The following ZFAT variants were observed in gnomAD, a reference collection of about 807,000 sequenced individuals.
The protein encoded by ZFAT is zinc finger protein ZFAT.
A neutral mutation model predicts 117.7 loss-of-function variants in ZFAT; 64 were observed. The observed-to-expected ratio is 0.54, with a 90% CI of 0.44 to 0.67. ZFAT has a LOEUF of 0.67. Ranked by LOEUF, ZFAT falls within the 30% of genes least tolerant of loss-of-function variation. The pLI, the probability that ZFAT is intolerant of heterozygous loss-of-function variation, is 0.00. For synonymous variants in ZFAT, 679 were observed against 615.0 expected (o/e 1.10, Z -1.54); for missense variants, 1,433 against 1,584.5 (o/e 0.90, Z 1.62).
At chr8:134,545,354 A>T (rs144816652) in intron 11 of ZFAT, among the ~76,000 whole-genome samples, 6 of 152,008 alleles carry the variant, frequency 3.9e-5, no homozygotes, top group African/African-American at 1.4e-4. Flanking sequence ...TCTACCAAAA[A>T]ATTTTTTTTA....
At chr8:134,514,058 T>G (rs1037271900) in intron 13 of ZFAT, among the ~76,000 whole-genome samples, 4 of 152,196 alleles carry the variant, frequency 2.6e-5, no homozygotes, top group Non-Finnish European at 5.9e-5. Flanking sequence ...TCATAGTTGC[T>G]GTCAGGAAGG....
At chr8:134,685,558 G>A (rs1176259062) in intron 1 of ZFAT, among the ~76,000 whole-genome samples, 2 of 152,190 alleles carry the variant, frequency 1.3e-5, no homozygotes, top group East Asian at 3.8e-4. Context: ...CAGTATGCCA[G>A]ATATAAGTGA....
the ZFAT span, among the ~76,000 whole-genome samples, chr8:134,728,607 G>C: frequency 1.3e-5 from 2 of 152,128 alleles, no homozygotes; most frequent in East Asian, 1.9e-4. Flanking sequence ...ACCAGGACAG[G>C]TGTGCCTGCA....
intron 3 of ZFAT, among the ~76,000 whole-genome samples, chr8:134,620,781 C>T (rs534947759): frequency 6.6e-6 from 1 of 152,220 alleles, no homozygotes; most frequent in South Asian, 2.1e-4. Context: ...CGGTTGAGTC[C>T]CTGGGCCTAG....
intron 15 of ZFAT, among the ~76,000 whole-genome samples, chr8:134,481,299 A>G (rs192888942): frequency 6.6e-6 from 1 of 152,156 alleles, no homozygotes; most frequent in South Asian, 2.1e-4. Context: ...GGGTGAGGGG[A>G]TGGGGATGGT....
chr8:134,678,489 T>C (rs1426001542), intron 1 of ZFAT, among the ~76,000 whole-genome samples: 1 of 152,186 alleles, frequency 6.6e-6, no homozygotes, highest in African/African-American at 2.4e-5. Context: ...AGAATCAATA[T>C]TGTGAAAATG....
chr8:134,776,112 A>G, the ZFAT span, among the ~76,000 whole-genome samples: 1 of 152,226 alleles, frequency 6.6e-6, no homozygotes, highest in Admixed American at 6.5e-5. Context: ...AAATAGAAAC[A>G]GAAGATCCTC....
chr8:134,685,939 G>T (rs1219243976), intron 1 of ZFAT, among the ~76,000 whole-genome samples: 3 of 152,214 alleles, frequency 2.0e-5, no homozygotes, highest in South Asian at 2.1e-4. Flanking sequence ...AGTTAAGTGG[G>T]CCAGGTAGGG....
the ZFAT span, among the ~76,000 whole-genome samples, chr8:134,809,450 A>C: frequency 5.3e-5 from 8 of 152,226 alleles, no homozygotes; most frequent in Non-Finnish European, 1.2e-4. Context: ...ATAGTATTTT[A>C]AGAAATTGTT....
chr8:134,687,418 C>T (rs536898260), intron 1 of ZFAT, among the ~76,000 whole-genome samples: 3 of 152,342 alleles, frequency 2.0e-5, no homozygotes, highest in African/African-American at 4.8e-5. Context: ...CATGTTGAAA[C>T]TTGGCATAAA....
At chr8:134,523,684 C>T (rs969960260) in intron 12 of ZFAT, among the ~76,000 whole-genome samples, 11 of 152,198 alleles carry the variant, frequency 7.2e-5, no homozygotes, top group Non-Finnish European at 1.3e-4. Flanking sequence ...CCCTCCCTCT[C>T]GCCTTCATTC....
intron 11 of ZFAT, among the ~76,000 whole-genome samples, chr8:134,554,426 C>A (rs1234709969): frequency 1.3e-5 from 2 of 152,196 alleles, no homozygotes; most frequent in Non-Finnish European, 2.9e-5. Context: ...ATGCTAGAGA[C>A]CAAGGTATCC....
chr8:134,644,832 C>T (rs1253447720), intron 2 of ZFAT, among the ~76,000 whole-genome samples: 1 of 152,126 alleles, frequency 6.6e-6, no homozygotes, highest in African/African-American at 2.4e-5. Context: ...CAGTATCACA[C>T]ACGTGCACAC....
chr8:134,636,536 A>T (rs968995984), intron 3 of ZFAT, among the ~76,000 whole-genome samples: 7 of 152,232 alleles, frequency 4.6e-5, no homozygotes, highest in African/African-American at 1.7e-4. Context: ...TAAGTTAATA[A>T]GTGCTGAAGC....
chr8:134,602,204 C>T lies in ZFAT; in HGVS notation c.1515G>A (p.Gly505=). 1.2e-6 allele frequency: 2 copies of T among 1,613,570 alleles called. No individual in the cohort carries two copies. The highest frequency in any genetic ancestry group is 1.7e-6 in the Non-Finnish European group (2 of 1,180,016). ...NQSFCLLEPG[G]DIQQEALGDQ... ...CCCCCAGAGCTTCTTGCTGGATGTC[C>T]CCACCAGGTTCCAGGAGGCAGAAGC... The change falls in exon 6 of 16, where the codon GGG becomes GGA. Residue 505 remains glycine (G), a synonymous_variant. Transcript: ENST00000377838.
chr8:134,588,812 T>C (rs1826247391), intron 8 of ZFAT, among the ~76,000 whole-genome samples: 2 of 151,954 alleles, frequency 1.3e-5, no homozygotes, highest in African/African-American at 4.8e-5. Flanking sequence ...AAAAGAAAAA[T>C]CTTGGGGAAA....
rs66877205 is a variant in ZFAT at position 134,514,312 on chromosome 8, G to A, written c.3235-1711C>T. Among the ~76,000 whole-genome samples the A allele has an allele frequency of 4.6e-4, 70 of 152,188 alleles. No individual in the cohort carries two copies. In the South Asian group the frequency reaches 0.013, roughly 29 times the overall value. On this transcript the variant is annotated intron_variant, in intron 13 of 15. Transcript: ENST00000377838. ...TACTGCATGCTTTTATAAAAGCACC[G>A]ACTGACAAGATAGATTGAGTTTTAC...
chr8:134,603,708 G>A (rs1225690997), intron 5 of ZFAT, among the ~76,000 whole-genome samples: 1 of 152,240 alleles, frequency 6.6e-6, no homozygotes, highest in Non-Finnish European at 1.5e-5. Context: ...GTGCCTGCCT[G>A]GGGTGAGCAT....
At chr8:134,741,699 T>C in the ZFAT span, among the ~76,000 whole-genome samples, 1 of 152,130 alleles carries the variant, frequency 6.6e-6, no homozygotes, top group Admixed American at 6.6e-5. Context: ...CAGACCTTCC[T>C]TCTTAGCTCC....
Sources: allele counts gnomAD v4.1 joint callset (sites outside exome capture counted in the v4.1 genomes callset), GRCh38; gene constraint gnomAD v4.1.1; transcripts MANE v1.5; gene names NCBI Gene and HGNC (gene_info 2026-07-23, HGNC 2026-07-21).